Variants in ZNF536 observed in about 807,000 individuals in gnomAD.
ZNF536 encodes the protein zinc finger protein 536.
In ZNF536, 13 loss-of-function variants were observed where a neutral mutation model predicts 84.5. The ratio of observed to expected loss-of-function variants is 0.15; its 90% CI spans 0.10 to 0.24. ZNF536 has a LOEUF of 0.24. Ranked by LOEUF, ZNF536 falls within the 10% of genes least tolerant of loss-of-function variation. The pLI, the probability that ZNF536 is intolerant of heterozygous loss-of-function variation, is 1.00. For synonymous variants in ZNF536, 811 were observed against 742.5 expected (o/e 1.09, Z -1.50); for missense variants, 1,536 against 1,747.5 (o/e 0.88, Z 2.16).
rs1240810602 is a variant in ZNF536, at chr19:30,549,041, C to T, written c.3422C>T (p.Ser1141Phe). The T allele has an allele frequency of 1.2e-6, 2 of 1,614,100 alleles. No individual in the cohort carries two copies. The highest frequency in any genetic ancestry group is 1.7e-6 in the Non-Finnish European group (2 of 1,180,052). Residue 1141 changes from serine (S) to phenylalanine (F), a missense_variant, in exon 4 of 5, where the codon TCT (serine) becomes TTT (phenylalanine). By Grantham distance (155) the Ser-to-Phe change is radical. Transcript: ENST00000355537. Reference sequence around the variant, plus strand: ...AAGGAGCCTGATGGAAAGGCCCACTCTGAAGAGGATGTCCCCATCCTGATC... The same window carrying T: ...AAGGAGCCTGATGGAAAGGCCCACTTTGAAGAGGATGTCCCCATCCTGATC... The part of the protein sequence containing the change: ...PNKEPDGKAH[S>F]EEDVPILIPE...
intron 2 of ZNF536, among the ~76,000 whole-genome samples, chr19:30,512,430 A>G (rs1433696461): frequency 6.6e-6 from 1 of 152,222 alleles, no homozygotes; most frequent in Non-Finnish European, 1.5e-5. Flanking sequence ...GAAGCCTTAT[A>G]TGTAACACAT....
chr19:30,245,264 C>T (rs1222499749), intron 1 of ZNF536, among the ~76,000 whole-genome samples: 1 of 152,216 alleles, frequency 6.6e-6, no homozygotes, highest in Non-Finnish European at 1.5e-5. Context: ...CTATCCCAGT[C>T]ACCTGCTGTC....
At chr19:30,263,560 G>A (rs762836556) in intron 1 of ZNF536, among the ~76,000 whole-genome samples, 1 of 152,164 alleles carries the variant, frequency 6.6e-6, no homozygotes, top group Non-Finnish European at 1.5e-5. Flanking sequence ...ACTATGAAAG[G>A]TGATCTCATT....
chr19:30,532,050 C>T (rs984060280), intron 2 of ZNF536, among the ~76,000 whole-genome samples: 3 of 152,142 alleles, frequency 2.0e-5, no homozygotes, highest in African/African-American at 4.8e-5. Flanking sequence ...TGCTCTCTGG[C>T]GGGCTCCTCT....
chr19:30,595,901 G>T (rs2047446789), intron 1 of ZNF536, among the ~76,000 whole-genome samples: 1 of 152,188 alleles, frequency 6.6e-6, no homozygotes, highest in Non-Finnish European at 1.5e-5. Flanking sequence ...GAGGAAGAGG[G>T]ACAACTCCTG....
chr19:30,236,533 G>A (rs576191492), intron 1 of ZNF536, among the ~76,000 whole-genome samples: 1 of 151,406 alleles, frequency 6.6e-6, no homozygotes, highest in African/African-American at 2.4e-5. Flanking sequence ...TTGGGGCGGG[G>A]GGGGGGTACA....
chr19:30,356,797 G>A (rs1248656223), intron 3 of ZNF536, among the ~76,000 whole-genome samples: 2 of 152,330 alleles, frequency 1.3e-5, no homozygotes, highest in African/African-American at 2.4e-5. Flanking sequence ...AAATCCCCTA[G>A]CAGGTAGTAG....
chr19:30,243,766 G>C (rs2024094478), intron 1 of ZNF536, among the ~76,000 whole-genome samples: 1 of 152,196 alleles, frequency 6.6e-6, no homozygotes, highest in African/African-American at 2.4e-5. Context: ...ACAAATAGTA[G>C]TTTTAACATC....
chr19:30,340,477 C>T (rs1306608167), intron 2 of ZNF536, among the ~76,000 whole-genome samples: 1 of 152,190 alleles, frequency 6.6e-6, no homozygotes, highest in Non-Finnish European at 1.5e-5. Flanking sequence ...CCATTTTAAT[C>T]TCTCCCCTTC....
upstream of ZNF536, among the ~76,000 whole-genome samples, chr19:30,367,789 A>G (rs2048484513): frequency 6.6e-6 from 1 of 152,028 alleles, no homozygotes; most frequent in African/African-American, 2.4e-5. Context: ...GATCACAGGG[A>G]ATGACACCGA....
chr19:30,596,694 C>A (rs2047475666), intron 1 of ZNF536, among the ~76,000 whole-genome samples: 1 of 151,924 alleles, frequency 6.6e-6, no homozygotes, highest in Admixed American at 6.6e-5. Flanking sequence ...TAGTAATGTT[C>A]CATGGGGATA....
rs183654946 is a variant in ZNF536 at position 30,463,547 on chromosome 19, T to G, written c.2170+17815T>G. 3.3e-5 allele frequency among the ~76,000 whole-genome samples: 5 copies of G among 152,298 alleles called. No homozygotes were observed. The East Asian group carries it at 9.7e-4, about 29-fold the overall frequency. Reference sequence around the variant, plus strand: ...CGTGAGCTCCATGAGGCAGGGGTTGTGTTTTCTTCAGCCGTCTTTCCATCA... The same window carrying G: ...CGTGAGCTCCATGAGGCAGGGGTTGGGTTTTCTTCAGCCGTCTTTCCATCA... On this transcript the variant is annotated intron_variant, in intron 2 of 4. Transcript: ENST00000355537.
At chr19:30,488,988 C>T (rs2054402141) in intron 2 of ZNF536, among the ~76,000 whole-genome samples, 2 of 152,084 alleles carry the variant, frequency 1.3e-5, no homozygotes, top group Admixed American at 6.6e-5. Context: ...GGTTTCTTGA[C>T]AAATAGATCA....
chr19:30,583,253 G>A (rs1448938997), intron 1 of ZNF536, among the ~76,000 whole-genome samples: 2 of 152,208 alleles, frequency 1.3e-5, no homozygotes, highest in South Asian at 2.1e-4. Flanking sequence ...AGTCACAGGA[G>A]GACAGTCCCT....
intron 1 of ZNF536, among the ~76,000 whole-genome samples, chr19:30,673,056 G>A (rs2050617329): frequency 6.6e-6 from 1 of 152,136 alleles, no homozygotes; most frequent in Admixed American, 6.5e-5. Flanking sequence ...TGGCATATGT[G>A]GAAACAGCCT....
upstream of ZNF536, among the ~76,000 whole-genome samples, chr19:30,227,017 CT>C (rs2022652320): frequency 1.3e-5 from 2 of 151,210 alleles, no homozygotes; most frequent in South Asian, 4.2e-4. Context: ...TGGGGGAGAG[CT>C]TTCCTTTGAT....
At chr19:30,503,883 G>T (rs2055049818) in intron 2 of ZNF536, among the ~76,000 whole-genome samples, 1 of 150,912 alleles carries the variant, frequency 6.6e-6, no homozygotes, top group Non-Finnish European at 1.5e-5. Context: ...TTTCTGTATG[G>T]TTTGGGGTTT....
chr19:30,391,639 C>T (rs747897052), intron 1 of ZNF536, among the ~76,000 whole-genome samples: 6 of 152,150 alleles, frequency 3.9e-5, no homozygotes, highest in South Asian at 2.1e-4. Flanking sequence ...TTATTCCTGG[C>T]GCTTAATTGT....
chr19:30,271,800 G>A (rs1004828649), intron 1 of ZNF536, among the ~76,000 whole-genome samples: 2 of 152,188 alleles, frequency 1.3e-5, no homozygotes, highest in Admixed American at 1.3e-4. Flanking sequence ...CTTGCCCTAT[G>A]TGTCCTAGGA....
Sources: allele counts gnomAD v4.1 joint callset (sites outside exome capture counted in the v4.1 genomes callset), GRCh38; gene constraint gnomAD v4.1.1; transcripts MANE v1.5; gene names NCBI Gene and HGNC (gene_info 2026-07-23, HGNC 2026-07-21).